The following GALNT13 variants were observed in gnomAD, a reference collection of about 807,000 sequenced individuals.
The protein encoded by GALNT13 is polypeptide N-acetylgalactosaminyltransferase 13.
Under a neutral mutation model 64.2 loss-of-function variants are expected in GALNT13, and 28 were observed. The ratio of observed to expected loss-of-function variants is 0.44; its 90% CI spans 0.32 to 0.60. The LOEUF (loss-of-function observed/expected upper bound fraction) is 0.60. Among genes scored for constraint, GALNT13 ranks in the 20% least tolerant of loss-of-function variants. The probability of loss-of-function intolerance (pLI) is 0.05; values close to 1 mark genes in which losing one functional copy is unlikely to be tolerated. For missense variants in GALNT13, 577 were observed against 669.8 expected, an observed-to-expected ratio of 0.86 and a Z score of 1.53; for synonymous variants, 214 against 224.6, an observed-to-expected ratio of 0.95 and a Z score of 0.42.
chr2:153,331,628 G>A, the GALNT13 span, among the ~76,000 whole-genome samples: 465 of 149,916 alleles, frequency 3.1e-3, 18 homozygotes, highest in East Asian at 0.083. Flanking sequence ...TCCTTTTCAC[G>A]TTTTTTTTTG....
At chr2:154,336,382 G>A (rs909286455) in intron 9 of GALNT13, among the ~76,000 whole-genome samples, 1 of 151,968 alleles carries the variant, frequency 6.6e-6, no homozygotes, top group Non-Finnish European at 1.5e-5. Flanking sequence ...CCATCAGTGA[G>A]GACTACTGCA....
chr2:153,289,946 A>G, the GALNT13 span, among the ~76,000 whole-genome samples: 2 of 152,294 alleles, frequency 1.3e-5, no homozygotes, highest in Middle Eastern at 6.8e-3. Context: ...TAGACAATGG[A>G]TCAAAATCCT....
At chr2:153,210,378 T>A in the GALNT13 span, among the ~76,000 whole-genome samples, 1 of 152,226 alleles carries the variant, frequency 6.6e-6, no homozygotes, top group Non-Finnish European at 1.5e-5. Flanking sequence ...TTTGGTCAAA[T>A]GCATTTTCTG....
intron 4 of GALNT13, among the ~76,000 whole-genome samples, chr2:154,191,571 G>C (rs1403119794): frequency 6.6e-6 from 1 of 152,182 alleles, no homozygotes; most frequent in African/African-American, 2.4e-5. Context: ...TTTTGGTAAA[G>C]TTTAAACCAC....
At chr2:154,438,402 G>A (rs1701104111) in intron 11 of GALNT13, among the ~76,000 whole-genome samples, 190 bp from the exon 12 acceptor site, 2 of 152,142 alleles carry the variant, frequency 1.3e-5, no homozygotes, top group African/African-American at 4.8e-5. Flanking sequence ...TCATAAAACA[G>A]ATGACTTTGT....
the GALNT13 span, among the ~76,000 whole-genome samples, chr2:153,863,325 C>G: frequency 1.3e-5 from 2 of 152,030 alleles, no homozygotes; most frequent in Non-Finnish European, 2.9e-5. Flanking sequence ...TTTCTTTGTT[C>G]CCCATATCTG....
At chr2:154,419,185 TATATC>T (rs919050257) in intron 11 of GALNT13, among the ~76,000 whole-genome samples, 52 of 152,224 alleles carry the variant, frequency 3.4e-4, no homozygotes, top group African/African-American at 1.1e-3. Context: ...TCAAGAAAAT[TATATC>T]AGAGGAACAT....
chr2:153,341,515 A>G, the GALNT13 span, among the ~76,000 whole-genome samples: 5 of 152,214 alleles, frequency 3.3e-5, no homozygotes, highest in South Asian at 2.1e-4. Flanking sequence ...CAGCATATCA[A>G]TGATTAGCCT....
At chr2:153,231,946 C>T in the GALNT13 span, among the ~76,000 whole-genome samples, 1 of 151,924 alleles carries the variant, frequency 6.6e-6, no homozygotes, top group South Asian at 2.1e-4. Flanking sequence ...TCTTGTCTCC[C>T]GATTGCATAT....
chr2:154,414,517 T>G (rs1281040831), intron 11 of GALNT13, among the ~76,000 whole-genome samples: 1 of 151,662 alleles, frequency 6.6e-6, no homozygotes, highest in East Asian at 1.9e-4. Context: ...ATTTTTTTTT[T>G]GTTTTTTATC....
At chr2:153,258,547 G>A in the GALNT13 span, among the ~76,000 whole-genome samples, 2 of 152,022 alleles carry the variant, frequency 1.3e-5, no homozygotes, top group African/African-American at 4.8e-5. Context: ...TGCATCATTA[G>A]GTTGTTTATT....
chr2:154,088,632 T>C (rs1701650131), intron 3 of GALNT13, among the ~76,000 whole-genome samples: 1 of 152,108 alleles, frequency 6.6e-6, no homozygotes, highest in Non-Finnish European at 1.5e-5. Context: ...TTTGTATTTT[T>C]AGTAGAGATG....
At chr2:153,873,565 T>G (rs1488004831) in intron 1 of GALNT13, among the ~76,000 whole-genome samples, 2 of 152,078 alleles carry the variant, frequency 1.3e-5, no homozygotes, top group Non-Finnish European at 2.9e-5. Flanking sequence ...CAGGCAAAGG[T>G]GTTGCTAGCA....
chr2:153,241,334 G>A, the GALNT13 span, among the ~76,000 whole-genome samples: 3 of 152,224 alleles, frequency 2.0e-5, no homozygotes, highest in Non-Finnish European at 4.4e-5. Flanking sequence ...TGCCACATCA[G>A]TACTGAGTGC....
At chr2:153,862,108 T>C in the GALNT13 span, among the ~76,000 whole-genome samples, 1 of 152,212 alleles carries the variant, frequency 6.6e-6, no homozygotes, top group South Asian at 2.1e-4. Flanking sequence ...AAGTGAACTT[T>C]TCAAATTCAA....
the GALNT13 span, among the ~76,000 whole-genome samples, chr2:153,592,652 T>C: frequency 6.6e-6 from 1 of 151,986 alleles, no homozygotes; most frequent in East Asian, 1.9e-4. Flanking sequence ...TGTACACACA[T>C]TGATGTAAAG....
At chr2:153,925,498 CTT>C (rs35443709) in intron 2 of GALNT13, among the ~76,000 whole-genome samples, 10,024 of 117,524 alleles carry the variant, frequency 0.085, 562 homozygotes, top group African/African-American at 0.18. Context: ...AAGCCTCGAG[CTT>C]TTTTTTTTTT....
chr2:153,106,933 C>CT, the GALNT13 span, among the ~76,000 whole-genome samples: 1 of 152,068 alleles, frequency 6.6e-6, no homozygotes, highest in Non-Finnish European at 1.5e-5. Context: ...TGATTGAATA[C>CT]TTAGAGGAGT....
chr2:154,345,417 C>G lies in GALNT13; in HGVS notation c.1156+43828C>G, dbSNP rs1696016422. Reference sequence around the variant, plus strand: ...CTAGGAAAGTTGTTGCTCAAGAGAACTTTCTGTGATAATGAAAATGTTCTA... The same window carrying G: ...CTAGGAAAGTTGTTGCTCAAGAGAAGTTTCTGTGATAATGAAAATGTTCTA... On this transcript the variant is annotated intron_variant, in intron 9 of 12. Transcript: ENST00000392825. Among the ~76,000 whole-genome samples the G allele has an allele frequency of 2.0e-5, 3 of 151,990 alleles. No individual in the cohort carries two copies. In the South Asian group the frequency reaches 6.2e-4, roughly 31 times the overall value.
Sources: gnomAD v4.1 joint callset for allele counts (sites outside exome capture counted in the v4.1 genomes callset) on GRCh38, gnomAD v4.1.1 for gene constraint, MANE v1.5 for transcripts, NCBI Gene and HGNC (gene_info 2026-07-23, HGNC 2026-07-21) for gene names.